SLC13A3: variants seen among roughly 807,000 people sequenced by gnomAD.
SLC13A3 encodes the protein solute carrier family 13 member 3.
Under a neutral mutation model 59.0 loss-of-function variants are expected in SLC13A3, and 40 were observed. The observed-to-expected ratio is 0.68, with a 90% confidence interval of 0.53 to 0.88. The LOEUF (loss-of-function observed/expected upper bound fraction) is 0.88. Ranked by LOEUF, SLC13A3 falls within the 40% of genes least tolerant of loss-of-function variation. The pLI, the probability that SLC13A3 is intolerant of heterozygous loss-of-function variation, is 0.00. For missense variants in SLC13A3, 699 were observed against 783.2 expected (o/e 0.89, Z 1.28); for synonymous variants, 317 against 330.3 (o/e 0.96, Z 0.44).
chr20:46,602,424 G>C (rs1338779626), intron 3 of SLC13A3, among the ~76,000 whole-genome samples: 1 of 152,162 alleles, frequency 6.6e-6, no homozygotes, highest in East Asian at 1.9e-4. Context: ...TTGGAGAAAA[G>C]AAAATTAGAA....
chr20:46,663,246 T>C (rs112250560), intron 1 of SLC13A3, among the ~76,000 whole-genome samples: 3,706 of 152,048 alleles, frequency 0.024, 138 homozygotes, highest in African/African-American at 0.083. Context: ...GAGTTTGAGA[T>C]CAGCCTGGGC....
chr20:46,603,766 T>C (rs1415318592), intron 3 of SLC13A3, among the ~76,000 whole-genome samples: 2 of 151,906 alleles, frequency 1.3e-5, no homozygotes, highest in East Asian at 3.9e-4. Flanking sequence ...CTTAAAAATA[T>C]GAAAACTATT....
chr20:46,581,739 T>C (rs1188441890), intron 9 of SLC13A3, among the ~76,000 whole-genome samples: 1 of 152,036 alleles, frequency 6.6e-6, no homozygotes, highest in Non-Finnish European at 1.5e-5. Flanking sequence ...GATCAGACAC[T>C]ATAAGGGAAC....
At chr20:46,577,904 G>T (rs2146102557) in intron 9 of SLC13A3, among the ~76,000 whole-genome samples, 1 of 152,354 alleles carries the variant, frequency 6.6e-6, no homozygotes, top group South Asian at 2.1e-4. Context: ...TTCCCTCGGA[G>T]ACTTACTGGA....
chr20:46,610,927 T>C (rs1367818253), intron 2 of SLC13A3, among the ~76,000 whole-genome samples: 1 of 151,766 alleles, frequency 6.6e-6, no homozygotes, highest in Non-Finnish European at 1.5e-5. Flanking sequence ...CACTCCACTA[T>C]CTTTCCCTCA....
chr20:46,591,921 A>T (rs1342652007), intron 6 of SLC13A3, among the ~76,000 whole-genome samples: 1 of 152,138 alleles, frequency 6.6e-6, no homozygotes, highest in Non-Finnish European at 1.5e-5. Context: ...AGAAATGAGG[A>T]TATGGCTAGC....
intron 8 of SLC13A3, among the ~76,000 whole-genome samples, chr20:46,586,646 A>G (rs2062195665): frequency 6.6e-6 from 1 of 152,182 alleles, no homozygotes; most frequent in African/African-American, 2.4e-5. Context: ...CCTAAAAAAT[A>G]TTCTTCTCCA....
At chr20:46,585,621 A>C in intron 8 of SLC13A3, 1 of 1,260,240 alleles carries the variant, frequency 7.9e-7, no homozygotes, top group Non-Finnish European at 1.0e-6. Flanking sequence ...CACAATGTAG[A>C]ACAGTTCTCA....
At chr20:46,592,952 T>A (rs1477506723) in intron 5 of SLC13A3, among the ~76,000 whole-genome samples, 2 of 152,204 alleles carry the variant, frequency 1.3e-5, no homozygotes, top group Non-Finnish European at 2.9e-5. Flanking sequence ...TGTTTAAATG[T>A]TGACAATTCA....
At chr20:46,588,559 C>CAGAG (rs143500950) in intron 7 of SLC13A3, among the ~76,000 whole-genome samples, 1 of 151,146 alleles carries the variant, frequency 6.6e-6, no homozygotes, top group Non-Finnish European at 1.5e-5. Flanking sequence ...AGCATTCATA[C>CAGAG]AGAGAGAGAG....
intron 1 of SLC13A3, among the ~76,000 whole-genome samples, chr20:46,629,948 G>C (rs948053523): frequency 2.6e-5 from 4 of 151,480 alleles, no homozygotes; most frequent in Admixed American, 1.3e-4. Context: ...CTCTCTTTTT[G>C]GCAGATCTCA....
chr20:46,562,479 G>C (rs1173916434), intron 12 of SLC13A3, among the ~76,000 whole-genome samples: 1 of 152,070 alleles, frequency 6.6e-6, no homozygotes, highest in Non-Finnish European at 1.5e-5. Flanking sequence ...TTCCTGGAGA[G>C]GGCTTCCCTG....
intron 3 of SLC13A3, among the ~76,000 whole-genome samples, chr20:46,604,760 G>C (rs1430276269): frequency 6.6e-6 from 1 of 152,184 alleles, no homozygotes; most frequent in Non-Finnish European, 1.5e-5. Flanking sequence ...ACGAGTGCTG[G>C]GAACAGGTCC....
chr20:46,591,193 T>TAAATAAAC (rs1287012757), intron 6 of SLC13A3, among the ~76,000 whole-genome samples: 204 of 141,012 alleles, frequency 1.4e-3, no homozygotes, highest in African/African-American at 4.9e-3. Context: ...AATAAATAAA[T>TAAATAAAC]AAACAAACAA....
intron 1 of SLC13A3, among the ~76,000 whole-genome samples, chr20:46,665,554 T>C (rs2063058584): frequency 6.6e-6 from 1 of 152,252 alleles, no homozygotes; most frequent in South Asian, 2.1e-4. Context: ...AAGATTCATC[T>C]CTGTCACAGC....
intron 10 of SLC13A3, among the ~76,000 whole-genome samples, chr20:46,569,163 G>GT (rs551692759): frequency 3.4e-4 from 52 of 150,940 alleles, no homozygotes; most frequent in Middle Eastern, 3.4e-3. Context: ...TTTTTTAAGT[G>GT]TTTTTTTTTG....
chr20:46,593,182 A>T (rs1320552116), intron 5 of SLC13A3, among the ~76,000 whole-genome samples: 1 of 152,228 alleles, frequency 6.6e-6, no homozygotes, highest in Non-Finnish European at 1.5e-5. Flanking sequence ...GCTGGTGAAG[A>T]TGTGGAAAAA....
intron 10 of SLC13A3, 78 bp downstream of exon 10, chr20:46,575,495 G>C: frequency 1.3e-6 from 1 of 777,886 alleles, no homozygotes; most frequent in South Asian, 2.0e-5. Context: ...TCTGATCCTG[G>C]TGCTGCAGCC....
At chr20:46,614,681 T>A (rs972387943) in intron 1 of SLC13A3, among the ~76,000 whole-genome samples, 9 of 152,206 alleles carry the variant, frequency 5.9e-5, no homozygotes, top group African/African-American at 2.2e-4. Context: ...GATGTAGGTA[T>A]GATTATTACC....
Sources: gnomAD v4.1 joint callset for allele counts (sites outside exome capture counted in the v4.1 genomes callset) on GRCh38, gnomAD v4.1.1 for gene constraint, MANE v1.5 for transcripts, NCBI Gene and HGNC (gene_info 2026-07-23, HGNC 2026-07-21) for gene names.